CCDC171: variants seen among roughly 807,000 people sequenced by gnomAD.
The protein encoded by CCDC171 is coiled-coil domain containing 171, also known as coiled-coil domain-containing protein 171.
Under a neutral mutation model 168.2 loss-of-function variants are expected in CCDC171, and 177 were observed. The ratio of observed to expected loss-of-function variants is 1.05; its 90% CI spans 0.93 to 1.19. The LOEUF is 1.19. Ranked by LOEUF, CCDC171 falls within the 50% of genes most tolerant of loss-of-function variation. The pLI is 0.00. For missense variants in CCDC171, 1,991 were observed against 1,539.0 expected (o/e 1.29, Z -4.91); for synonymous variants, 687 against 540.8 (o/e 1.27, Z -3.75).
In CCDC171 at chr9:15,921,070, G is replaced by T. The variant is rs541099765; in HGVS notation, c.3753+648G>T. Among the ~76,000 whole-genome samples, 4 of 151,796 alleles carry T rather than the reference G, an allele frequency of 2.6e-5. No individual in the cohort carries two copies. The East Asian group carries it at 7.7e-4, about 29-fold the overall frequency. On this transcript the variant is annotated intron_variant, in intron 25 of 25. Coordinates refer to ENST00000380701, the MANE Select transcript of CCDC171 (RefSeq NM_173550.4). ...AAACATTTAAACTTTCCCTCAAAAGGCTGATATGTCAACAGTAGATTCAGA... is the reference window on the plus strand; with the variant it reads ...AAACATTTAAACTTTCCCTCAAAAGTCTGATATGTCAACAGTAGATTCAGA...
At chr9:15,777,562 A>C (rs765249446) in intron 18 of CCDC171, 38 bp from the exon 19 acceptor site, 16 of 1,254,138 alleles carry the variant, frequency 1.3e-5, no homozygotes, top group Non-Finnish European at 1.7e-5. Flanking sequence ...ACAAGAGACA[A>C]TTCACATTTT....
intron 3 of CCDC171, among the ~76,000 whole-genome samples, chr9:15,990,726 G>T (rs1297590292): frequency 6.6e-6 from 1 of 152,152 alleles, no homozygotes; most frequent in Non-Finnish European, 1.5e-5. Context: ...AAGGGATGGA[G>T]GAAGATCTAC....
At chr9:15,664,550 G>C (rs905115036) in intron 8 of CCDC171, among the ~76,000 whole-genome samples, 2 of 31,972 alleles carry the variant, frequency 6.3e-5, no homozygotes, top group Admixed American at 4.2e-4. Flanking sequence ...TGCTTGGCCT[G>C]TAGGCCCTTA....
At chr9:15,760,036 C>A (rs2056359336) in intron 18 of CCDC171, among the ~76,000 whole-genome samples, 2 of 152,070 alleles carry the variant, frequency 1.3e-5, no homozygotes, top group Non-Finnish European at 2.9e-5. Flanking sequence ...TTGGGGAAAT[C>A]TATTTAGTAA....
intron 7 of CCDC171, among the ~76,000 whole-genome samples, chr9:15,623,882 G>A (rs980712627): frequency 1.3e-5 from 2 of 152,138 alleles, no homozygotes; most frequent in African/African-American, 4.8e-5. Context: ...TCAATTTACA[G>A]ATGAAAAACA....
intron 7 of CCDC171, 76 bp downstream of exon 7, chr9:15,623,489 A>ACACACACACACC: frequency 1.7e-6 from 1 of 600,684 alleles, no homozygotes; most frequent in Non-Finnish European, 2.7e-6. Context: ...ACACACACAC[A>ACACACACACACC]CACACACACA....
intron 3 of CCDC171, 96 bp downstream of exon 3, chr9:15,571,855 A>G (rs571582267): frequency 3.6e-6 from 4 of 1,118,524 alleles, no homozygotes; most frequent in East Asian, 2.7e-5. Flanking sequence ...CTTTATAACT[A>G]TACCATTCTT....
chr9:15,970,229 T>G (rs1468938903), intron 25 of CCDC171, among the ~76,000 whole-genome samples: 1 of 152,134 alleles, frequency 6.6e-6, no homozygotes, highest in South Asian at 2.1e-4. Context: ...TCCACAAAAA[T>G]GGTAACACAT....
intron 25 of CCDC171, among the ~76,000 whole-genome samples, chr9:15,949,307 C>CT (rs1157280889): frequency 6.6e-6 from 1 of 151,896 alleles, no homozygotes; most frequent in Non-Finnish European, 1.5e-5. Context: ...GCGATTCGGG[C>CT]TTTTTTTGGT....
intron 18 of CCDC171, among the ~76,000 whole-genome samples, chr9:15,747,163 C>G (rs938895108): frequency 2.6e-5 from 4 of 152,220 alleles, no homozygotes; most frequent in African/African-American, 4.8e-5. Context: ...TGGGCGGAGC[C>G]TACCGCAGCT....
chr9:15,960,306 A>T (rs981000945), intron 25 of CCDC171, among the ~76,000 whole-genome samples: 1 of 152,168 alleles, frequency 6.6e-6, no homozygotes, highest in Admixed American at 6.5e-5. Flanking sequence ...TATTTGTTTA[A>T]TTCACTTTTG....
intron 7 of CCDC171, among the ~76,000 whole-genome samples, chr9:15,623,841 T>A (rs2044792529): frequency 6.6e-6 from 1 of 152,200 alleles, no homozygotes; most frequent in Non-Finnish European, 1.5e-5. Flanking sequence ...TGGAATGCTT[T>A]TCAGATGAGA....
chr9:16,030,564 G>A (rs1833350202), intron 6 of CCDC171, among the ~76,000 whole-genome samples: 1 of 152,194 alleles, frequency 6.6e-6, no homozygotes, highest in Non-Finnish European at 1.5e-5. Flanking sequence ...ATATGCAAAA[G>A]TAGCAGTGTG....
At chr9:15,957,274 C>G (rs1829894312) in intron 25 of CCDC171, among the ~76,000 whole-genome samples, 1 of 152,104 alleles carries the variant, frequency 6.6e-6, no homozygotes, top group Non-Finnish European at 1.5e-5. Flanking sequence ...TTGGGTGAAG[C>G]TGTGGAGCAT....
chr9:15,789,139 C>T (rs892756451), intron 21 of CCDC171, among the ~76,000 whole-genome samples: 1 of 152,040 alleles, frequency 6.6e-6, no homozygotes, highest in African/African-American at 2.4e-5. Flanking sequence ...TTTGAAAATC[C>T]AAAATCCAAA....
chr9:15,916,475 T>G (rs910731029), intron 24 of CCDC171, among the ~76,000 whole-genome samples: 1 of 151,978 alleles, frequency 6.6e-6, no homozygotes, highest in African/African-American at 2.4e-5. Context: ...TGATAGAGTT[T>G]TTTGCTTTCC....
At chr9:16,041,987 T>G (rs974412295), upstream of CCDC171, among the ~76,000 whole-genome samples, 1 of 152,244 alleles carries the variant, frequency 6.6e-6, no homozygotes, top group Non-Finnish European at 1.5e-5. Context: ...AAAGCCCGCT[T>G]TCTGAGTCTC....
chr9:15,649,831 G>A (rs2047360867), intron 7 of CCDC171, among the ~76,000 whole-genome samples: 1 of 152,252 alleles, frequency 6.6e-6, no homozygotes, highest in Admixed American at 6.5e-5. Context: ...CATTGTGGAA[G>A]ACAGTGTGGC....
At chr9:15,897,442 C>A (rs776014780) in intron 24 of CCDC171, among the ~76,000 whole-genome samples, 1 of 151,930 alleles carries the variant, frequency 6.6e-6, no homozygotes, top group Admixed American at 6.6e-5. Flanking sequence ...ATATGGCATG[C>A]TTTGATAGAA....
Sources: gnomAD v4.1 joint callset for allele counts (sites outside exome capture counted in the v4.1 genomes callset) on GRCh38, gnomAD v4.1.1 for gene constraint, MANE v1.5 for transcripts, NCBI Gene and HGNC (gene_info 2026-07-23, HGNC 2026-07-21) for gene names.